The following CAST variants were observed in gnomAD, a reference collection of about 807,000 sequenced individuals.
The protein encoded by CAST is calpastatin, also known as MIR583 host.
A neutral mutation model predicts 119.6 loss-of-function variants in CAST; 76 were observed. That is an observed-to-expected ratio of 0.64 (90% CI 0.53 to 0.77). CAST has a LOEUF of 0.77. Among genes scored for constraint, CAST ranks in the 30% least tolerant of loss-of-function variants. CAST has a pLI of 0.00. For synonymous variants in CAST, 319 were observed against 331.6 expected, an observed-to-expected ratio of 0.96 and a Z score of 0.41; for missense variants, 953 against 946.5, an observed-to-expected ratio of 1.01 and a Z score of -0.09.
intron 11 of CAST, among the ~76,000 whole-genome samples, chr5:96,738,545 A>G (rs530706315): frequency 6.6e-6 from 1 of 152,240 alleles, no homozygotes; most frequent in African/African-American, 2.4e-5. Flanking sequence ...TTTAAGTATA[A>G]TGGACTAGAA....
chr5:96,523,576 C>G (rs547963635), upstream of CAST, among the ~76,000 whole-genome samples: 1 of 152,134 alleles, frequency 6.6e-6, no homozygotes, highest in Admixed American at 6.5e-5. Flanking sequence ...CAGCTGGGAT[C>G]GCTCATAACA....
the CAST span, among the ~76,000 whole-genome samples, chr5:95,972,539 G>A: frequency 6.6e-6 from 1 of 151,744 alleles, no homozygotes; most frequent in Non-Finnish European, 1.5e-5. Context: ...TTGTTGAAGT[G>A]TCTTTTCAGA....
chr5:96,294,873 T>G, the CAST span, among the ~76,000 whole-genome samples: 2 of 152,238 alleles, frequency 1.3e-5, no homozygotes, highest in Non-Finnish European at 2.9e-5. Flanking sequence ...CTCTATTTCC[T>G]GTAACATTAA....
intron 1 of CAST, among the ~76,000 whole-genome samples, chr5:96,539,219 TAA>T (rs996677500): frequency 1.3e-5 from 2 of 152,174 alleles, no homozygotes. Context: ...CCGAAAAACT[TAA>T]GAGTCAAAGT....
chr5:96,753,774 C>G (rs1311911842), intron 20 of CAST, among the ~76,000 whole-genome samples: 1 of 152,218 alleles, frequency 6.6e-6, no homozygotes, highest in Non-Finnish European at 1.5e-5. Flanking sequence ...TGTGATACAC[C>G]TCAGTCCATT....
chr5:96,328,853 T>C, the CAST span, among the ~76,000 whole-genome samples: 3 of 152,352 alleles, frequency 2.0e-5, no homozygotes, highest in East Asian at 5.8e-4. Context: ...TCCTCAGTTA[T>C]TTCCAGACCC....
At chr5:96,254,822 T>G in the CAST span, among the ~76,000 whole-genome samples, 8 of 152,094 alleles carry the variant, frequency 5.3e-5, no homozygotes, top group African/African-American at 1.9e-4. Context: ...TTAAAAAAAT[T>G]TCTGTCTTTA....
chr5:96,744,280 TA>T (rs1295172297), intron 16 of CAST, among the ~76,000 whole-genome samples: 23 of 152,280 alleles, frequency 1.5e-4, no homozygotes, highest in African/African-American at 5.1e-4. Context: ...GGGTAATGTA[TA>T]AAGGAAAGAA....
At chr5:96,490,354 C>CTGTCTGTG in the CAST span, among the ~76,000 whole-genome samples, 2 of 149,504 alleles carry the variant, frequency 1.3e-5, no homozygotes, top group South Asian at 4.3e-4. Context: ...ATGTGTGTGT[C>CTGTCTGTG]TGTGTGTGTG....
intron 1 of CAST, among the ~76,000 whole-genome samples, chr5:96,584,220 T>G (rs1746814581): frequency 6.6e-6 from 1 of 152,206 alleles, no homozygotes; most frequent in Non-Finnish European, 1.5e-5. Flanking sequence ...CCTAGATCCT[T>G]GGCATGCACT....
the CAST span, among the ~76,000 whole-genome samples, chr5:95,998,038 A>G: frequency 1.0e-3 from 127 of 124,610 alleles, no homozygotes; most frequent in African/African-American, 3.7e-3. Context: ...AATTGGTGGT[A>G]TGTCCATGTA....
intron 18 of CAST, among the ~76,000 whole-genome samples, chr5:96,747,602 A>G (rs527408192): frequency 2.0e-5 from 3 of 152,286 alleles, no homozygotes. Context: ...AATCATTACT[A>G]GACTATAAAT....
At chr5:96,132,844 A>G in the CAST span, among the ~76,000 whole-genome samples, 1 of 152,216 alleles carries the variant, frequency 6.6e-6, no homozygotes, top group Non-Finnish European at 1.5e-5. Flanking sequence ...TGAGAGTTTT[A>G]TGAGCAATCT....
intron 4 of CAST, among the ~76,000 whole-genome samples, chr5:96,725,342 G>A (rs1323330348): frequency 1.3e-5 from 2 of 152,130 alleles, no homozygotes; most frequent in African/African-American, 4.8e-5. Flanking sequence ...ATGTATATTG[G>A]ACAATTCCTG....
At chr5:96,475,575 T>G in the CAST span, among the ~76,000 whole-genome samples, 1 of 152,062 alleles carries the variant, frequency 6.6e-6, no homozygotes, top group Non-Finnish European at 1.5e-5. Context: ...AGTACCCTGG[T>G]GTTGTCAGGT....
the CAST span, among the ~76,000 whole-genome samples, chr5:96,251,401 C>A: frequency 1.3e-5 from 2 of 152,250 alleles, no homozygotes; most frequent in East Asian, 3.9e-4. Flanking sequence ...CGCTGGGAAG[C>A]ATAGCACCTA....
the CAST span, among the ~76,000 whole-genome samples, chr5:96,301,767 G>T: frequency 2.6e-5 from 4 of 152,210 alleles, no homozygotes; most frequent in Non-Finnish European, 4.4e-5. Flanking sequence ...GCCTTGGACA[G>T]CTCCTCCCCT....
intron 1 of CAST, among the ~76,000 whole-genome samples, chr5:96,582,651 T>G (rs1361131307): frequency 6.6e-6 from 1 of 152,222 alleles, no homozygotes; most frequent in African/African-American, 2.4e-5. Flanking sequence ...AAGCCTGCAT[T>G]TCCCTCCATT....
At chr5:96,303,912 G>T in the CAST span, among the ~76,000 whole-genome samples, 1 of 152,110 alleles carries the variant, frequency 6.6e-6, no homozygotes. Flanking sequence ...ATAAACATAC[G>T]TGTGCTTAAG....
Sources: gnomAD v4.1 joint callset for allele counts (sites outside exome capture counted in the v4.1 genomes callset) on GRCh38, gnomAD v4.1.1 for gene constraint, MANE v1.5 for transcripts, NCBI Gene and HGNC (gene_info 2026-07-23, HGNC 2026-07-21) for gene names.